Variants in DRGX observed in about 807,000 individuals in gnomAD.
DRGX encodes dorsal root ganglia homeobox, also known as dorsal root ganglia homeobox protein.
Under a neutral mutation model 28.6 loss-of-function variants are expected in DRGX, and 21 were observed. The ratio of observed to expected loss-of-function variants is 0.73; its 90% CI spans 0.52 to 1.06. The LOEUF (loss-of-function observed/expected upper bound fraction) is 1.06, where lower values mean the gene tolerates loss of function less well. Among genes scored for constraint, DRGX ranks in the 50% least tolerant of loss-of-function variants. DRGX has a pLI of 0.00. For synonymous variants in DRGX, 136 were observed against 139.1 expected (o/e 0.98, Z 0.16); for missense variants, 354 against 343.9 (o/e 1.03, Z -0.23).
At chr10:49,378,191 A>G (rs1043791902) in intron 6 of DRGX, among the ~76,000 whole-genome samples, 7 of 152,202 alleles carry the variant, frequency 4.6e-5, no homozygotes, top group Non-Finnish European at 7.3e-5. Context: ...TAAAAATGAT[A>G]AGATAAAATT....
Position 49,365,894 on chromosome 10 carries a change from T to C in DRGX, c.*222A>G, listed in dbSNP as rs1590358649. 1 of 420,322 alleles carries C rather than the reference T, an allele frequency of 2.4e-6. No homozygotes were observed. Among genetic ancestry groups the C allele is most frequent in the South Asian group, 1.1e-4 (1 of 8,902 alleles). 26.0% of individuals were successfully genotyped at this position (420,322 alleles called of 1,614,324 possible). A position where few individuals can be genotyped will look rare whatever the true frequency, so the allele number is the denominator to read the frequency against. ...CTGCTGCCACCAAGTGCCATCGGGA[T>C]CTGTTGCCAAAGAAGCCAGGACAAC... On this transcript the variant is annotated 3_prime_UTR_variant, in exon 7 of 7. Coordinates refer to ENST00000374139, the MANE Select transcript of DRGX (RefSeq NM_001276451.2).
chr10:49,373,478 T>C (rs2132472266), intron 6 of DRGX, among the ~76,000 whole-genome samples: 1 of 152,318 alleles, frequency 6.6e-6, no homozygotes, highest in South Asian at 2.1e-4. Flanking sequence ...GTTGAAATCC[T>C]AAACCCCAAG....
At chr10:49,367,084 A>G (rs903811505) in intron 6 of DRGX, among the ~76,000 whole-genome samples, 2 of 152,262 alleles carry the variant, frequency 1.3e-5, no homozygotes, top group African/African-American at 2.4e-5. Context: ...AGTCAGGTAC[A>G]GTGGCTCACA....
intron 6 of DRGX, among the ~76,000 whole-genome samples, chr10:49,369,845 A>G (rs1282271299): frequency 6.6e-6 from 1 of 151,904 alleles, no homozygotes; most frequent in Non-Finnish European, 1.5e-5. Context: ...TGAAGTGCAC[A>G]CAGGGCAGCC....
chr10:49,372,205 G>A (rs1428814945), intron 6 of DRGX, among the ~76,000 whole-genome samples: 3 of 152,176 alleles, frequency 2.0e-5, no homozygotes, highest in Non-Finnish European at 4.4e-5. Flanking sequence ...GCCGTGAGAG[G>A]AGCTAGGCAC....
chr10:49,377,160 A>T (rs1056058912), intron 6 of DRGX, among the ~76,000 whole-genome samples: 1 of 152,126 alleles, frequency 6.6e-6, no homozygotes, highest in Non-Finnish European at 1.5e-5. Flanking sequence ...CTAAGAGAGG[A>T]CCTTCTCCCA....
chr10:49,391,289 G>C, intron 2 of DRGX, 28 bp from the exon 3 acceptor site: 1 of 1,597,712 alleles, frequency 6.3e-7, no homozygotes. Flanking sequence ...ATCAACCTGG[G>C]CAGGAAGGGG....
At position 49,386,443 on chromosome 10, in the gene DRGX, G is replaced by A. The variant is rs1204950331; in HGVS notation, c.526+35C>T. 2.7e-6 allele frequency: 4 copies of A among 1,491,148 alleles called. No individual in the cohort carries two copies. In the East Asian group the frequency reaches 9.9e-5, roughly 37 times the overall value. The allele number at this position is 1,491,148 out of a possible 1,614,324, so 92.4% of individuals were successfully genotyped here. A position where few individuals can be genotyped will look rare whatever the true frequency, so the allele number is the denominator to read the frequency against. ...ACACAAACTCCACCAACCCCATGAGGCCACGCCCACCAGCCCAGCCGAACC... is the reference window on the plus strand; with the variant it reads ...ACACAAACTCCACCAACCCCATGAGACCACGCCCACCAGCCCAGCCGAACC... On this transcript the variant is annotated intron_variant, in intron 6 of 6. Transcript: ENST00000374139.
At chr10:49,393,958 C>T (rs1321213002) in intron 2 of DRGX, among the ~76,000 whole-genome samples, 1 of 152,234 alleles carries the variant, frequency 6.6e-6, no homozygotes, top group Non-Finnish European at 1.5e-5. Context: ...AATGCCCAAA[C>T]TTCTGCCTTA....
chr10:49,386,897 A>G (rs2132483142), intron 4 of DRGX, 39 bp from the exon 5 acceptor site: 1 of 1,512,298 alleles, frequency 6.6e-7, no homozygotes, highest in Non-Finnish European at 8.8e-7. Flanking sequence ...GTGAAAATCA[A>G]ACAGGAGGAA....
intron 6 of DRGX, among the ~76,000 whole-genome samples, chr10:49,382,823 A>T (rs1849791592): frequency 6.6e-6 from 1 of 152,164 alleles, no homozygotes; most frequent in Non-Finnish European, 1.5e-5. Flanking sequence ...TTCTTCCTGG[A>T]CACTGTCTAG....
chr10:49,386,151 G>A (rs1358667667), intron 6 of DRGX, among the ~76,000 whole-genome samples: 7 of 152,272 alleles, frequency 4.6e-5, no homozygotes, highest in Non-Finnish European at 7.3e-5. Context: ...GGCCCCACCC[G>A]TGAGCTGCAG....
At chr10:49,378,043 C>T (rs1262724524) in intron 6 of DRGX, among the ~76,000 whole-genome samples, 4 of 151,908 alleles carry the variant, frequency 2.6e-5, no homozygotes, top group Non-Finnish European at 1.5e-5. Context: ...CAGGAATGTG[C>T]AGTTGTTTTA....
Position 49,365,988 on chromosome 10 carries a change from G to A in DRGX, c.*128C>T, listed in dbSNP as rs567773397. ...AGGGAGCTGTGGGTCTCACTTGCCCGTCCTGGGTCCATGCAGAGGCCCTGG... is the reference window on the plus strand; with the variant it reads ...AGGGAGCTGTGGGTCTCACTTGCCCATCCTGGGTCCATGCAGAGGCCCTGG... On this transcript the variant is annotated 3_prime_UTR_variant, in exon 7 of 7. Transcript: ENST00000374139. 4.0e-5 allele frequency: 48 copies of A among 1,207,274 alleles called. No homozygotes were observed. Among genetic ancestry groups the A allele is most frequent in the Admixed American group, 9.5e-5 (3 of 31,656 alleles). The allele number at this position is 1,207,274 out of a possible 1,614,324, so 74.8% of individuals were successfully genotyped here.
chr10:49,375,887 TCTC>T (rs887292961), intron 6 of DRGX, among the ~76,000 whole-genome samples: 1 of 151,988 alleles, frequency 6.6e-6, no homozygotes, highest in Admixed American at 6.6e-5. Context: ...GCAGGCTGCT[TCTC>T]CTGCTGCCTC....
chr10:49,378,263 G>A (rs962090612), intron 6 of DRGX, among the ~76,000 whole-genome samples: 2 of 151,638 alleles, frequency 1.3e-5, no homozygotes, highest in African/African-American at 4.9e-5. Context: ...AAAAAAAAAG[G>A]CAGCAAACAC....
chr10:49,387,602 G>A (rs1379941157), intron 4 of DRGX, among the ~76,000 whole-genome samples: 4 of 150,570 alleles, frequency 2.7e-5, no homozygotes, highest in African/African-American at 7.4e-5. Context: ...GGTAGAGGTC[G>A]CAGTGAGCCG....
intron 6 of DRGX, among the ~76,000 whole-genome samples, chr10:49,382,664 G>A (rs1400117683): frequency 5.3e-5 from 8 of 152,160 alleles, no homozygotes; most frequent in South Asian, 2.1e-4. Context: ...TCCAAGCCAC[G>A]TAACACATGT....
chr10:49,381,663 C>T (rs1849778044), intron 6 of DRGX, among the ~76,000 whole-genome samples: 1 of 152,244 alleles, frequency 6.6e-6, no homozygotes, highest in Non-Finnish European at 1.5e-5. Flanking sequence ...CAGTTGCTCA[C>T]TGGGAGAACA....
Sources: allele counts gnomAD v4.1 joint callset (sites outside exome capture counted in the v4.1 genomes callset), GRCh38; gene constraint gnomAD v4.1.1; transcripts MANE v1.5; gene names NCBI Gene and HGNC (gene_info 2026-07-23, HGNC 2026-07-21).